Variants in RRBP1 observed in about 807,000 individuals in gnomAD.
RRBP1 encodes ribosome-binding protein 1.
A neutral mutation model predicts 165.2 loss-of-function variants in RRBP1; 94 were observed. That is an observed-to-expected ratio of 0.57 (90% confidence interval 0.48 to 0.68). The LOEUF is 0.68. RRBP1 is among the 30% of genes least tolerant of loss of function. The pLI is 0.00. For synonymous variants in RRBP1, 680 were observed against 714.5 expected, an observed-to-expected ratio of 0.95 and a Z score of 0.77; for missense variants, 1,676 against 1,763.0, an observed-to-expected ratio of 0.95 and a Z score of 0.88.
rs573277556 is a variant in RRBP1, at chr20:17,645,475, C to A, written c.1913-2348G>T. Among the ~76,000 whole-genome samples, 8 of 152,372 alleles carry A rather than the reference C, an allele frequency of 5.3e-5. 1 individual carries two copies. The highest frequency in any genetic ancestry group is 1.9e-4 in the African/African-American group (8 of 41,586). On this transcript the variant is annotated intron_variant, in intron 3 of 24. Transcript: ENST00000377813. ...CATGGCCCCCCAGAAACTTCCACAG[C>A]CTTTGCCACACTCATACAAACACTA...
At chr20:17,639,878 A>G (rs2036317494) in intron 5 of RRBP1, among the ~76,000 whole-genome samples, 1 of 144,142 alleles carries the variant, frequency 6.9e-6, no homozygotes, top group Non-Finnish European at 1.5e-5. Flanking sequence ...GGGCAATAAC[A>G]GTGAAACTCC....
chr20:17,621,706 G>A lies in RRBP1; in HGVS notation c.3308C>T (p.Pro1103Leu), dbSNP rs2035917238. The change falls in exon 15 of 25, where the codon CCC becomes CTC. Residue 1103 changes from proline to leucine, a missense_variant. Physicochemically the swap from Pro to Leu is moderately conservative, Grantham distance 98. This residue lies in a region of RRBP1 where 1,184 missense variants were observed against 1,167.1 expected (regional missense o/e 1.01). Coordinates refer to ENST00000377813, the MANE Select transcript of RRBP1 (RefSeq NM_001365613.2). ...CACACTTACCGAGGAGGGCTCCGCGGGAGCTGGCGGGTGCTTCAGCAGCGT... is the reference window on the plus strand; with the variant it reads ...CACACTTACCGAGGAGGGCTCCGCGAGAGCTGGCGGGTGCTTCAGCAGCGT... ...GPTLLKHPPA[P>L]AEPSSDLASK... 2 of 1,613,692 alleles carry A rather than the reference G, an allele frequency of 1.2e-6. No individual in the cohort carries two copies. Among genetic ancestry groups the A allele is most frequent in the Non-Finnish European group, 1.7e-6 (2 of 1,179,980 alleles).
At chr20:17,666,651 C>G (rs2036876579) in intron 2 of RRBP1, among the ~76,000 whole-genome samples, 1 of 152,074 alleles carries the variant, frequency 6.6e-6, no homozygotes, top group Admixed American at 6.5e-5. Flanking sequence ...ATTTCTTTTT[C>G]TTGGCTTAAC....
intron 17 of RRBP1, 53 bp from the exon 18 acceptor site, chr20:17,620,423 T>TAGGC (rs1219209179): frequency 6.7e-7 from 1 of 1,495,934 alleles, no homozygotes; most frequent in African/African-American, 1.4e-5. Context: ...GGGTGTCTCC[T>TAGGC]TCCGAGGCCA....
intron 7 of RRBP1, among the ~76,000 whole-genome samples, chr20:17,634,514 G>A (rs1333157396): frequency 6.6e-6 from 1 of 152,228 alleles, no homozygotes; most frequent in Non-Finnish European, 1.5e-5. Context: ...GTCGTGTGGT[G>A]CCCTCAAGAT....
rs2122235581 is a variant in RRBP1 at position 17,615,991 on chromosome 20, A to G, written c.3886T>C (p.Trp1296Arg). ...TCATCCTCCAGGATGGCTTCTGTCC[A>G]CTCCAGCTGCGTCTTCAGCTGTGCA... ...DPVQLKTQLE[W>R]TEAILEDEQT... Residue 1296 changes from tryptophan to arginine, a missense_variant, in exon 22 of 25, where the codon TGG becomes CGG. Trp to Arg is a moderately radical substitution (Grantham distance 101, BLOSUM62 -3). Coordinates refer to ENST00000377813, the MANE Select transcript of RRBP1 (RefSeq NM_001365613.2). The G allele has an allele frequency of 6.2e-7, 1 of 1,606,960 alleles. No homozygotes were observed. Among genetic ancestry groups the G allele is most frequent in the Non-Finnish European group, 8.5e-7 (1 of 1,179,718 alleles).
intron 1 of RRBP1, among the ~76,000 whole-genome samples, chr20:17,681,723 G>A (rs970930690): frequency 6.6e-6 from 1 of 150,560 alleles, no homozygotes; most frequent in Admixed American, 6.6e-5. Context: ...AGGGAGGGAG[G>A]CAGGGAGCGG....
At chr20:17,627,279 GCCC>G in intron 11 of RRBP1, 66 bp downstream of exon 11, 3 of 1,536,420 alleles carry the variant, frequency 2.0e-6, no homozygotes, top group Non-Finnish European at 2.7e-6. Flanking sequence ...GAAAACCCTG[GCCC>G]CCCAAGGGTC....
intron 2 of RRBP1, among the ~76,000 whole-genome samples, chr20:17,664,812 G>C (rs1010480896): frequency 6.6e-6 from 1 of 152,094 alleles, no homozygotes; most frequent in Admixed American, 6.5e-5. Flanking sequence ...GTGGGGTAGG[G>C]GTGGACAAAG....
chr20:17,650,655 G>A (rs1042551093), intron 3 of RRBP1, among the ~76,000 whole-genome samples: 3 of 152,242 alleles, frequency 2.0e-5, no homozygotes, highest in African/African-American at 4.8e-5. Flanking sequence ...GCAAGCTCCA[G>A]TTAAAAGTAC....
chr20:17,633,580 C>T lies in RRBP1; in HGVS notation c.2490G>A (p.Glu830=). 6.2e-7 allele frequency: 1 copy of T among 1,614,002 alleles called. No individual in the cohort carries two copies. The highest frequency in any genetic ancestry group is 1.1e-5 in the South Asian group (1 of 91,078). Residue 830 remains glutamate (E), a synonymous_variant, in exon 8 of 25, where the codon GAG becomes GAA. Coordinates refer to ENST00000377813, the MANE Select transcript of RRBP1 (RefSeq NM_001365613.2). The part of the protein sequence containing the change: ...QNAELAKLRQ[E]LSKVSKELVE... ...CCAGCTCTTTGCTGACCTTGCTGAG[C>T]TCCTGCCGAAGCTTGGCCAGCTCTG...
intron 20 of RRBP1, among the ~76,000 whole-genome samples, chr20:17,618,141 C>G (rs1020322010): frequency 6.6e-6 from 1 of 152,234 alleles, no homozygotes; most frequent in East Asian, 1.9e-4. Context: ...CTGAATTGAT[C>G]TGAGCTGTCA....
rs1410210837 is a variant in RRBP1 at position 17,613,974 on chromosome 20, T to C, written c.*208A>G. 1 of 592,730 alleles carries C rather than the reference T, an allele frequency of 1.7e-6. No homozygotes were observed. The highest frequency in any genetic ancestry group is 3.0e-6 in the Non-Finnish European group (1 of 329,956). The allele number at this position is 592,730 out of a possible 1,614,324, so 36.7% of individuals were successfully genotyped here. ...CCCGGGGCTGCGCCCAGGATAGTGT[T>C]TATCAAATGTGACACAGGTTCATTT... is the stretch of plus-strand genomic sequence containing the variant. On this transcript the variant is annotated 3_prime_UTR_variant, in exon 25 of 25. Transcript: ENST00000377813.
At chr20:17,668,634 T>C (rs189819171) in intron 2 of RRBP1, among the ~76,000 whole-genome samples, 45 of 152,322 alleles carry the variant, frequency 3.0e-4, no homozygotes, top group Non-Finnish European at 5.0e-4. Context: ...TTGCGACTAC[T>C]GGGCAGGTGT....
rs1174387266 is a variant in RRBP1, at chr20:17,621,675, G to A, written c.3324+15C>T. 1 of 1,612,436 alleles carries A rather than the reference G, an allele frequency of 6.2e-7. No homozygotes were observed. The highest frequency in any genetic ancestry group is 1.3e-5 in the African/African-American group (1 of 74,914). On this transcript the variant is annotated intron_variant, in intron 15 of 24. Transcript: ENST00000377813. ...GGAGCCCAACAGAGGAGCCTTGCCA[G>A]GCAGCCACACTTACCGAGGAGGGCT...
chr20:17,649,938 G>A (rs957254528), intron 3 of RRBP1, among the ~76,000 whole-genome samples: 1 of 152,132 alleles, frequency 6.6e-6, no homozygotes, highest in African/African-American at 2.4e-5. Flanking sequence ...ATGCCTGTGT[G>A]CTAGGGCTGG....
intron 3 of RRBP1, among the ~76,000 whole-genome samples, chr20:17,655,216 T>C (rs558444233): frequency 6.6e-6 from 1 of 152,310 alleles, no homozygotes; most frequent in African/African-American, 2.4e-5. Flanking sequence ...ACATTTCTTA[T>C]AGAAACCAGG....
chr20:17,648,005 C>A (rs575248600), intron 3 of RRBP1, among the ~76,000 whole-genome samples: 27 of 152,170 alleles, frequency 1.8e-4, no homozygotes, highest in Non-Finnish European at 3.5e-4. Context: ...CTCCCACATG[C>A]CTCCTGGAAG....
At chr20:17,680,848 T>C (rs2037168044) in intron 1 of RRBP1, among the ~76,000 whole-genome samples, 1 of 152,008 alleles carries the variant, frequency 6.6e-6, no homozygotes, top group Admixed American at 6.5e-5. Context: ...GGCTCCTTCC[T>C]ACAAGTGCTG....
Sources: gnomAD v4.1 joint callset for allele counts (sites outside exome capture counted in the v4.1 genomes callset) on GRCh38, gnomAD v4.1.1 for gene constraint, gnomAD v4.1.1 regional missense constraint, MANE v1.5 for transcripts, NCBI Gene and HGNC (gene_info 2026-07-23, HGNC 2026-07-21) for gene names.